The following DENND1C variants were observed in gnomAD, a reference collection of about 807,000 sequenced individuals.
The protein encoded by DENND1C is DENN domain-containing protein 1C.
A neutral mutation model predicts 87.9 loss-of-function variants in DENND1C; 64 were observed. The ratio of observed to expected loss-of-function variants is 0.73; its 90% CI spans 0.60 to 0.90. The LOEUF is 0.90. Among genes scored for constraint, DENND1C ranks in the 40% least tolerant of loss-of-function variants. The probability of loss-of-function intolerance (pLI) is 0.00; values close to 1 mark genes in which losing one functional copy is unlikely to be tolerated. For missense variants in DENND1C, 980 were observed against 1,037.0 expected (o/e 0.95, Z 0.76); for synonymous variants, 384 against 424.4 (o/e 0.90, Z 1.17).
At chr19:6,471,602 C>T in intron 15 of DENND1C, 106 bp from the exon 16 acceptor site, 1 of 992,988 alleles carries the variant, frequency 1.0e-6, no homozygotes, top group Admixed American at 2.9e-5. Context: ...TGGCCTCCAA[C>T]CTGCCCACCC....
Position 6,475,742 on chromosome 19 carries a change from C to A in DENND1C, c.789G>T (p.Met263Ile). ...TGGCGTGCACTCCAATGAGGTAGGG[C>A]ATGGGCGCGCTGCGGACCGAGGGGA... ...PHLLDYCCAP[M>I]PYLIGVHASL... The change falls in exon 12 of 23, where the codon ATG becomes ATT. Residue 263 changes from methionine (M) to isoleucine (I), a missense_variant. Coordinates refer to ENST00000381480, the MANE Select transcript of DENND1C (RefSeq NM_024898.4). 1 of 1,568,786 alleles carries A rather than the reference C, an allele frequency of 6.4e-7. No individual in the cohort carries two copies.
chr19:6,470,686 A>G (rs1213730523), intron 17 of DENND1C, among the ~76,000 whole-genome samples: 1 of 132,700 alleles, frequency 7.5e-6, no homozygotes, highest in Admixed American at 8.6e-5. Context: ...TAGTGGTGCC[A>G]TCTCGGCTCA....
In DENND1C at chr19:6,477,452, C is replaced by T. The variant is rs756783606; in HGVS notation, c.373G>A (p.Glu125Lys). Residue 125 changes from glutamate (E) to lysine (K), a missense_variant, in exon 7 of 23, where the codon GAG becomes AAG. Coordinates refer to ENST00000381480, the MANE Select transcript of DENND1C (RefSeq NM_024898.4). ...AGATTTTGAAGAAGTTCCTCTGCCT[C>T]GGTGACCTGGGTGGGACGTGGAGGG... ...GDLLAQDQVT[E>K]AEELLQNLFQ... 7.1e-7 allele frequency: 1 copy of T among 1,413,266 alleles called. No individual in the cohort carries two copies. The highest frequency in any genetic ancestry group is 9.6e-7 in the Non-Finnish European group (1 of 1,039,278). 87.5% of individuals were successfully genotyped at this position (1,413,266 alleles called of 1,614,324 possible). A position where few individuals can be genotyped will look rare whatever the true frequency, so the allele number is the denominator to read the frequency against.
chr19:6,475,915 G>T lies in DENND1C; in HGVS notation c.701C>A (p.Ser234Tyr). ...GCGCATGGGGTACAGGAGCGCGCAG[G>T]ACGCGTGGACGCACGAGGTCAGCTG... is the stretch of plus-strand genomic sequence containing the variant. ...LSTLTSCVHA[S>Y]CALLYPMRWE... Residue 234 changes from serine to tyrosine, a missense_variant, in exon 11 of 23, where the codon TCC (serine) becomes TAC (tyrosine). Transcript: ENST00000381480. 1 of 1,568,130 alleles carries T rather than the reference G, an allele frequency of 6.4e-7. No individual in the cohort carries two copies. Among genetic ancestry groups the T allele is most frequent in the Non-Finnish European group, 8.6e-7 (1 of 1,165,640 alleles).
At chr19:6,471,518 C>A in intron 15 of DENND1C, 22 bp from the exon 16 acceptor site, 1 of 1,522,060 alleles carries the variant, frequency 6.6e-7, no homozygotes, top group Non-Finnish European at 8.8e-7. Flanking sequence ...GACAGTAAAT[C>A]AGAAACAGCA....
chr19:6,475,181 G>C (rs1168793481), intron 14 of DENND1C, 93 bp downstream of exon 14: 4 of 1,579,954 alleles, frequency 2.5e-6, no homozygotes. Context: ...ACAGGCGTGA[G>C]CCACTGCGTC....
chr19:6,478,986 C>T lies in DENND1C; in HGVS notation c.247G>A (p.Gly83Ser). 1 of 1,613,916 alleles carries T rather than the reference C, an allele frequency of 6.2e-7. No homozygotes were observed. The highest frequency in any genetic ancestry group is 8.5e-7 in the Non-Finnish European group (1 of 1,179,860). ...GTACCCGCCCGCAGGCGGCAGAAAC[C>T]AAATCTGCGGTTGCCGGCAAGGTCT... ...LTDLAGNRRF[G>S]FCRLRAGTQS... is the part of the protein sequence containing the mutation. Residue 83 changes from glycine to serine, a missense_variant, in exon 5 of 23, where the codon GGT (glycine) becomes AGT (serine). By Grantham distance (56) the Gly-to-Ser change is moderately conservative (BLOSUM62 0). Transcript: ENST00000381480.
At chr19:6,471,773 G>A (rs1426530003) in intron 15 of DENND1C, among the ~76,000 whole-genome samples, 1 of 152,174 alleles carries the variant, frequency 6.6e-6, no homozygotes, top group Non-Finnish European at 1.5e-5. Context: ...CTCCCAAGTA[G>A]CTGGGATTAC....
Position 6,475,130 on chromosome 19 carries a change from C to A in DENND1C, c.1053+144G>T. 1.0e-5 allele frequency: 14 copies of A among 1,346,100 alleles called. No homozygotes were observed. In the South Asian group the frequency reaches 1.5e-4, roughly 15 times the overall value. The allele number at this position is 1,346,100 out of a possible 1,614,324, so 83.4% of individuals were successfully genotyped here. A position where few individuals can be genotyped will look rare whatever the true frequency, so the allele number is the denominator to read the frequency against. ...CAGGCTGGTCTTGAACTTCTGGGCTCAAGCAATTCTCCCATCTCGGCATCC... is the reference window on the plus strand; with the variant it reads ...CAGGCTGGTCTTGAACTTCTGGGCTAAAGCAATTCTCCCATCTCGGCATCC... On this transcript the variant is annotated intron_variant, in intron 14 of 22. Coordinates refer to ENST00000381480, the MANE Select transcript of DENND1C (RefSeq NM_024898.4).
Position 6,468,239 on chromosome 19 carries a change from T to C in DENND1C, c.1786A>G (p.Ser596Gly), listed in dbSNP as rs1205056576. ...GGAGTGGGCGAGGCTCTCACCAGGC[T>C]GAAGCAGCTGTCCAGGTCTCCTCTG... ...CHRGDLDSCF[S>G]LPNIPRWQPD... Residue 596 changes from serine (S) to glycine (G), a missense_variant, in exon 22 of 23, where the codon AGC (serine) becomes GGC (glycine). By Grantham distance (56) the Ser-to-Gly change is moderately conservative (BLOSUM62 0). Coordinates refer to ENST00000381480, the MANE Select transcript of DENND1C (RefSeq NM_024898.4). The C allele has an allele frequency of 3.7e-6, 6 of 1,613,298 alleles. No individual in the cohort carries two copies. The Admixed American group carries it at 8.3e-5, about 22-fold the overall frequency.
At chr19:6,477,006 C>T (rs765501001) in intron 9 of DENND1C, 39 bp from the exon 10 acceptor site, 2 of 1,613,482 alleles carry the variant, frequency 1.2e-6, no homozygotes, top group Non-Finnish European at 1.7e-6. Flanking sequence ...GGACGGGCCC[C>T]TGGATCTTGC....
chr19:6,477,338 C>A (rs1480405255), intron 7 of DENND1C, 40 bp downstream of exon 7: 1 of 1,609,672 alleles, frequency 6.2e-7, no homozygotes, highest in East Asian at 2.2e-5. Flanking sequence ...GCCTTCCCAT[C>A]CACCTAAGGT....
intron 1 of DENND1C, chr19:6,480,369 G>T: frequency 7.7e-7 from 1 of 1,297,908 alleles, no homozygotes; most frequent in Non-Finnish European, 9.9e-7. Context: ...TGCCTGAAAA[G>T]ATGAGACTGT....
At chr19:6,474,580 TAGGAGCTAGC>T (rs776888209) in intron 14 of DENND1C, among the ~76,000 whole-genome samples, 65 of 152,226 alleles carry the variant, frequency 4.3e-4, no homozygotes, top group Admixed American at 7.2e-4. Context: ...ATAGCAGTGG[TAGGAGCTAGC>T]ATTTATTGAG....
intron 19 of DENND1C, 98 bp downstream of exon 19, chr19:6,469,498 G>T: frequency 8.4e-7 from 1 of 1,195,518 alleles, no homozygotes; most frequent in Admixed American, 2.0e-5. Flanking sequence ...TGCCCAAGCT[G>T]GTCTCAAACT....
intron 17 of DENND1C, 73 bp downstream of exon 17, chr19:6,471,192 A>G (rs10415980): frequency 0.066 from 101,634 of 1,541,208 alleles, 4,638 homozygotes; most frequent in African/African-American, 0.2. Context: ...CAATCCTTCT[A>G]TCTCCACCTC....
chr19:6,468,132 A>T lies in DENND1C; in HGVS notation c.1792-14T>A. On this transcript the variant is annotated splice_polypyrimidine_tract_variant and intron_variant, in intron 22 of 22. Coordinates refer to ENST00000381480, the MANE Select transcript of DENND1C (RefSeq NM_024898.4). ...TGGTATGTTGGGCTAGGTGAGATGG[A>T]TAGGGAAGTTGTGGCTTTTAGATGG... 6.2e-6 allele frequency: 10 copies of T among 1,611,076 alleles called. No homozygotes were observed. Among genetic ancestry groups the T allele is most frequent in the Non-Finnish European group, 8.5e-6 (10 of 1,178,134 alleles).
At chr19:6,474,840 G>A (rs1414820832) in intron 14 of DENND1C, among the ~76,000 whole-genome samples, 6 of 152,102 alleles carry the variant, frequency 3.9e-5, no homozygotes, top group African/African-American at 7.2e-5. Context: ...AGCCTGATGC[G>A]GGCAGATCAC....
In DENND1C at chr19:6,468,432, T is replaced by C. The variant is rs2092808594; in HGVS notation, c.1593A>G (p.Pro531=). 6.2e-7 allele frequency: 1 copy of C among 1,612,472 alleles called. No homozygotes were observed. Among genetic ancestry groups the C allele is most frequent in the Non-Finnish European group, 8.5e-7 (1 of 1,179,324 alleles). ...GGCACCCCTCATCCTCAGGGCTCAG[T>C]GGGGGTGTCCTGGGTGAGGATGGGC... ...TSEPPGAGTP[P]LSPEDEGCPW... Residue 531 remains proline, a synonymous_variant, in exon 22 of 23, where the codon CCA becomes CCG. Coordinates refer to ENST00000381480, the MANE Select transcript of DENND1C (RefSeq NM_024898.4).
Sources: gnomAD v4.1 joint callset for allele counts (sites outside exome capture counted in the v4.1 genomes callset) on GRCh38, gnomAD v4.1.1 for gene constraint, MANE v1.5 for transcripts, NCBI Gene and HGNC (gene_info 2026-07-23, HGNC 2026-07-21) for gene names.